Variants in SLC25A21 observed in about 807,000 individuals in gnomAD.
SLC25A21 encodes solute carrier family 25 member 21.
SLC25A21 carries 47 observed loss-of-function variants against 43.8 expected under a neutral mutation model. That is an observed-to-expected ratio of 1.07 (90% CI 0.85 to 1.37). The LOEUF (loss-of-function observed/expected upper bound fraction) is 1.37. SLC25A21 is among the 40% of genes most tolerant of loss of function. SLC25A21 has a pLI of 0.00. For synonymous variants in SLC25A21, 131 were observed against 121.3 expected (o/e 1.08, Z -0.52); for missense variants, 352 against 350.2 (o/e 1.00, Z -0.04).
At chr14:36,894,619 G>T (rs1891183359) in intron 1 of SLC25A21, among the ~76,000 whole-genome samples, 1 of 151,998 alleles carries the variant, frequency 6.6e-6, no homozygotes, top group African/African-American at 2.4e-5. Context: ...TCTTGTGCCA[G>T]TTTTCAAAGG....
Position 37,017,505 on chromosome 14 carries a change from A to G in SLC25A21, c.71-142501T>C, listed in dbSNP as rs573911964. ...ATAACAGATGTAATAATAATAATGAAAACATTTGAAATAGTGTGGGAATTG... is the reference window on the plus strand; with the variant it reads ...ATAACAGATGTAATAATAATAATGAGAACATTTGAAATAGTGTGGGAATTG... On this transcript the variant is annotated intron_variant, in intron 1 of 9. Transcript: ENST00000331299. Among the ~76,000 whole-genome samples the G allele has an allele frequency of 2.6e-5, 4 of 152,236 alleles. No homozygotes were observed. In the East Asian group the frequency reaches 7.7e-4, roughly 29 times the overall value.
intron 3 of SLC25A21, among the ~76,000 whole-genome samples, chr14:36,810,228 G>C (rs888377479): frequency 4.6e-5 from 7 of 152,096 alleles, no homozygotes; most frequent in Non-Finnish European, 1.0e-4. Flanking sequence ...ATAGAAAAAG[G>C]CCAATTCCAC....
chr14:37,114,821 T>G (rs1158508693), intron 1 of SLC25A21, among the ~76,000 whole-genome samples: 2 of 152,172 alleles, frequency 1.3e-5, no homozygotes, highest in Non-Finnish European at 2.9e-5. Flanking sequence ...ATTGGTGGTT[T>G]TCATTCTTGT....
chr14:37,063,209 G>A (rs1204836949), intron 1 of SLC25A21, among the ~76,000 whole-genome samples: 1 of 152,068 alleles, frequency 6.6e-6, no homozygotes, highest in Non-Finnish European at 1.5e-5. Flanking sequence ...AATTCAAGAT[G>A]AGATTTGGGT....
intron 6 of SLC25A21, among the ~76,000 whole-genome samples, chr14:36,718,683 T>C (rs1884250673): frequency 6.6e-6 from 1 of 152,208 alleles, no homozygotes; most frequent in Non-Finnish European, 1.5e-5. Context: ...GATTATTAAG[T>C]TCCCAGGATA....
intron 1 of SLC25A21, among the ~76,000 whole-genome samples, chr14:36,930,041 C>T (rs1892245951): frequency 6.6e-6 from 1 of 152,116 alleles, no homozygotes; most frequent in African/African-American, 2.4e-5. Context: ...TGTGAAGAGG[C>T]CAAGCCAAGA....
chr14:36,919,790 G>A (rs1324570730), intron 1 of SLC25A21, among the ~76,000 whole-genome samples: 2 of 151,886 alleles, frequency 1.3e-5, no homozygotes, highest in African/African-American at 4.8e-5. Flanking sequence ...CACTTGATTT[G>A]CAATCAAAAT....
chr14:37,085,872 G>A (rs1246314024), intron 1 of SLC25A21, among the ~76,000 whole-genome samples: 7 of 152,148 alleles, frequency 4.6e-5, no homozygotes, highest in Non-Finnish European at 8.8e-5. Context: ...TTGGCAGGCC[G>A]AGGCAGGCAG....
At chr14:36,896,980 T>C (rs1891259590) in intron 1 of SLC25A21, among the ~76,000 whole-genome samples, 1 of 152,198 alleles carries the variant, frequency 6.6e-6, no homozygotes, top group Admixed American at 6.5e-5. Flanking sequence ...CATTTTTTAC[T>C]TCATTTCGAC....
intron 1 of SLC25A21, among the ~76,000 whole-genome samples, chr14:36,923,054 A>C (rs1370438424): frequency 2.0e-5 from 3 of 152,162 alleles, no homozygotes; most frequent in Non-Finnish European, 4.4e-5. Flanking sequence ...AGGCTTTTAG[A>C]GCAGCTATAA....
intron 1 of SLC25A21, among the ~76,000 whole-genome samples, chr14:36,963,089 A>G (rs1488311928): frequency 6.6e-6 from 1 of 152,148 alleles, no homozygotes; most frequent in Non-Finnish European, 1.5e-5. Flanking sequence ...TTTTTGAGTC[A>G]TTAAAGAGGT....
intron 2 of SLC25A21, among the ~76,000 whole-genome samples, chr14:36,858,674 T>C (rs1213689678): frequency 6.6e-6 from 1 of 152,134 alleles, no homozygotes; most frequent in African/African-American, 2.4e-5. Flanking sequence ...ATTCCCCTGT[T>C]ACCGCTTGAA....
At chr14:36,739,136 A>G (rs2139236767) in intron 3 of SLC25A21, among the ~76,000 whole-genome samples, 1 of 152,282 alleles carries the variant, frequency 6.6e-6, no homozygotes, top group African/African-American at 2.4e-5. Context: ...ATACCTTATC[A>G]TTTCTTATTT....
intron 2 of SLC25A21, among the ~76,000 whole-genome samples, chr14:36,850,180 G>C (rs1287921050): frequency 6.6e-6 from 1 of 152,088 alleles, no homozygotes; most frequent in Non-Finnish European, 1.5e-5. Flanking sequence ...GGGAAGGAGT[G>C]AGGTAGAGCA....
chr14:36,953,080 T>C (rs901486529), intron 1 of SLC25A21, among the ~76,000 whole-genome samples: 2 of 152,210 alleles, frequency 1.3e-5, no homozygotes, highest in East Asian at 3.8e-4. Context: ...TTATGGTCCA[T>C]GTCTAAACAC....
intron 1 of SLC25A21, among the ~76,000 whole-genome samples, chr14:36,983,733 C>T (rs1273919170): frequency 6.6e-6 from 1 of 152,080 alleles, no homozygotes; most frequent in Non-Finnish European, 1.5e-5. Flanking sequence ...ATGGAATCAA[C>T]CTGTGTCCAT....
chr14:36,937,891 T>G (rs1250002302), intron 1 of SLC25A21, among the ~76,000 whole-genome samples: 3 of 152,174 alleles, frequency 2.0e-5, no homozygotes, highest in Non-Finnish European at 4.4e-5. Context: ...ATTGGAAAGC[T>G]GAGAAATAAA....
intron 2 of SLC25A21, among the ~76,000 whole-genome samples, chr14:36,872,128 C>G (rs1044918228): frequency 3.3e-5 from 5 of 152,070 alleles, no homozygotes; most frequent in African/African-American, 1.2e-4. Flanking sequence ...CATAAATGGC[C>G]TTAAATGTGA....
At chr14:36,908,099 C>A (rs78798758) in intron 1 of SLC25A21, among the ~76,000 whole-genome samples, 1 of 151,998 alleles carries the variant, frequency 6.6e-6, no homozygotes, top group Non-Finnish European at 1.5e-5. Context: ...TGATGGGGCA[C>A]AGAGGATTTT....
Sources: gnomAD v4.1 joint callset for allele counts (sites outside exome capture counted in the v4.1 genomes callset) on GRCh38, gnomAD v4.1.1 for gene constraint, MANE v1.5 for transcripts, NCBI Gene and HGNC (gene_info 2026-07-23, HGNC 2026-07-21) for gene names.